WDR72: variants seen among roughly 807,000 people sequenced by gnomAD.
WDR72 encodes the protein WD repeat domain 72.
A neutral mutation model predicts 124.2 loss-of-function variants in WDR72; 120 were observed. The observed-to-expected ratio is 0.97, with a 90% CI of 0.83 to 1.12. The LOEUF (loss-of-function observed/expected upper bound fraction) is 1.12. Ranked by LOEUF, WDR72 falls within the 50% of genes most tolerant of loss-of-function variation. WDR72 has a pLI of 0.00. For synonymous variants in WDR72, 452 were observed against 441.7 expected, an observed-to-expected ratio of 1.02 and a Z score of -0.29; for missense variants, 1,387 against 1,278.8, an observed-to-expected ratio of 1.08 and a Z score of -1.29.
At chr15:53,623,608 G>C (rs1309315948) in intron 14 of WDR72, among the ~76,000 whole-genome samples, 1 of 152,008 alleles carries the variant, frequency 6.6e-6, no homozygotes, top group African/African-American at 2.4e-5. Context: ...GAATAGTGCT[G>C]CAATGAACAT....
intron 2 of WDR72, 70 bp from the exon 3 acceptor site, chr15:53,722,978 T>C: frequency 7.3e-7 from 1 of 1,371,712 alleles, no homozygotes; most frequent in South Asian, 1.2e-5. Flanking sequence ...CACAATATAG[T>C]ATTCATAACT....
Position 53,699,950 on chromosome 15 carries a change from GAAA to G in WDR72, c.1570-8_1570-6del, listed in dbSNP as rs34118367. On this transcript the variant is annotated splice_region_variant and splice_polypyrimidine_tract_variant and intron_variant, in intron 12 of 19. Transcript: ENST00000360509. ...AATTATCTGCTCACCCCTTAGCTGT[GAAA>G]AAACAACATGCTTATGTAAGTAAAT... is the stretch of plus-strand genomic sequence containing the variant. The G allele has an allele frequency of 6.2e-7, 1 of 1,613,880 alleles. No homozygotes were observed. The highest frequency in any genetic ancestry group is 8.5e-7 in the Non-Finnish European group (1 of 1,179,984).
At chr15:53,545,786 G>C (rs868564738) in intron 18 of WDR72, among the ~76,000 whole-genome samples, 10,828 of 107,594 alleles carry the variant, frequency 0.1, 358 homozygotes, top group African/African-American at 0.13. Flanking sequence ...CTAATATCCA[G>C]AATCTACAAT....
chr15:53,648,932 G>C lies in WDR72; in HGVS notation c.1962+16640C>G, dbSNP rs540639780. Among the ~76,000 whole-genome samples the C allele has an allele frequency of 9.2e-4, 128 of 138,870 alleles. 5 individuals carry two copies. Among genetic ancestry groups the C allele is most frequent in the African/African-American group, 4.3e-3 (123 of 28,920 alleles). The allele number at this position is 138,870 out of a possible 152,430, so 91.1% of individuals were successfully genotyped here. A position where few individuals can be genotyped will look rare whatever the true frequency, so the allele number is the denominator to read the frequency against. Reference sequence around the variant, plus strand: ...CAAAAATCTCTGAAAACCCAAAAGAGAGCTTACAAACCAGGGCTCCCAAAT... The same window carrying C: ...CAAAAATCTCTGAAAACCCAAAAGACAGCTTACAAACCAGGGCTCCCAAAT... On this transcript the variant is annotated intron_variant, in intron 14 of 19. Transcript: ENST00000360509.
intron 13 of WDR72, among the ~76,000 whole-genome samples, chr15:53,699,201 T>C (rs775420783): frequency 2.0e-5 from 3 of 152,210 alleles, no homozygotes; most frequent in Non-Finnish European, 2.9e-5. Flanking sequence ...AATGTATTAC[T>C]CTCAATCTTT....
chr15:53,731,884 T>TA (rs1426300757), intron 2 of WDR72, among the ~76,000 whole-genome samples: 1 of 152,202 alleles, frequency 6.6e-6, no homozygotes, highest in African/African-American at 2.4e-5. Flanking sequence ...AATGCCTTTA[T>TA]AAATATGAAG....
intron 18 of WDR72, among the ~76,000 whole-genome samples, chr15:53,536,482 C>T (rs973433735): frequency 6.6e-6 from 1 of 152,092 alleles, no homozygotes; most frequent in Non-Finnish European, 1.5e-5. Flanking sequence ...TCATGGGGCT[C>T]ATCGGTCGAC....
At chr15:53,693,828 A>C (rs1003426940) in intron 13 of WDR72, among the ~76,000 whole-genome samples, 3 of 152,298 alleles carry the variant, frequency 2.0e-5, no homozygotes, top group Non-Finnish European at 2.9e-5. Context: ...AATGCTCTGT[A>C]CAAAAAATGT....
chr15:53,581,447 T>C (rs2011921902), intron 18 of WDR72, among the ~76,000 whole-genome samples: 1 of 152,108 alleles, frequency 6.6e-6, no homozygotes, highest in Admixed American at 6.6e-5. Flanking sequence ...GTTGTTTCAT[T>C]TTTACAAAAT....
At chr15:53,724,070 A>C (rs1353008849) in intron 2 of WDR72, among the ~76,000 whole-genome samples, 1 of 152,186 alleles carries the variant, frequency 6.6e-6, no homozygotes, top group Non-Finnish European at 1.5e-5. Context: ...CAGAAAGACA[A>C]ATACTATATG....
At chr15:53,589,959 G>A (rs570009701) in intron 18 of WDR72, among the ~76,000 whole-genome samples, 1 of 152,044 alleles carries the variant, frequency 6.6e-6, no homozygotes, top group Admixed American at 6.6e-5. Context: ...TGGGCAAAAG[G>A]GAAATGATGA....
intron 2 of WDR72, among the ~76,000 whole-genome samples, chr15:53,724,733 A>G (rs1048219012): frequency 1.3e-5 from 2 of 152,228 alleles, no homozygotes; most frequent in Non-Finnish European, 2.9e-5. Flanking sequence ...GAGCCAAAAC[A>G]TATCATTTGC....
At chr15:53,539,278 T>C (rs988287875) in intron 18 of WDR72, among the ~76,000 whole-genome samples, 10 of 152,222 alleles carry the variant, frequency 6.6e-5, no homozygotes, top group Admixed American at 5.2e-4. Flanking sequence ...TGAAAAGCCA[T>C]CAGCATCAGA....
At chr15:53,641,819 C>A (rs1051438257) in intron 14 of WDR72, among the ~76,000 whole-genome samples, 2 of 151,704 alleles carry the variant, frequency 1.3e-5, no homozygotes, top group African/African-American at 4.8e-5. Flanking sequence ...AGCCAACGAC[C>A]ATGCTGAACA....
At chr15:53,531,960 T>C (rs931372838) in intron 18 of WDR72, among the ~76,000 whole-genome samples, 2 of 152,092 alleles carry the variant, frequency 1.3e-5, no homozygotes, top group African/African-American at 4.8e-5. Flanking sequence ...AAAACAATCG[T>C]AAGGCAGAAT....
At position 53,616,454 on chromosome 15, in the gene WDR72, TAA is replaced by T. The variant is rs946496018; in HGVS notation, c.1963-213_1963-212del. Reference sequence around the variant, plus strand: ...TTTGAAGACTTCTTTTCTTTTTTCCTAAGTTTTATTTTTCCTCTAAATAAATA... The same window carrying T: ...TTTGAAGACTTCTTTTCTTTTTTCCTGTTTTATTTTTCCTCTAAATAAATA... On this transcript the variant is annotated intron_variant, in intron 14 of 19. Transcript: ENST00000360509. Among the ~76,000 whole-genome samples the T allele has an allele frequency of 1.6e-4, 24 of 151,972 alleles. 7 individuals are homozygous for T. The highest frequency in any genetic ancestry group is 1.4e-3 in the Admixed American group (22 of 15,206).
intron 18 of WDR72, among the ~76,000 whole-genome samples, chr15:53,576,574 T>C (rs1301762716): frequency 2.0e-5 from 3 of 152,108 alleles, no homozygotes; most frequent in Non-Finnish European, 4.4e-5. Flanking sequence ...GATTAAATAA[T>C]TCCTTTCCTT....
At chr15:53,758,435 G>C (rs866195577) in intron 1 of WDR72, among the ~76,000 whole-genome samples, 2 of 152,036 alleles carry the variant, frequency 1.3e-5, no homozygotes, top group Admixed American at 6.5e-5. Context: ...TTCAAGGGCA[G>C]TTTCCCTTTC....
At chr15:53,543,418 T>C (rs1408295709) in intron 18 of WDR72, among the ~76,000 whole-genome samples, 1 of 151,724 alleles carries the variant, frequency 6.6e-6, no homozygotes, top group Non-Finnish European at 1.5e-5. Context: ...AAAATGAAGG[T>C]AGAAAGGAAG....
Sources: allele counts gnomAD v4.1 joint callset (sites outside exome capture counted in the v4.1 genomes callset), GRCh38; gene constraint gnomAD v4.1.1; transcripts MANE v1.5; gene names NCBI Gene and HGNC (gene_info 2026-07-23, HGNC 2026-07-21).